Variants in HNF4G observed in about 807,000 individuals in gnomAD.
The protein encoded by HNF4G is hepatocyte nuclear factor 4-gamma.
A neutral mutation model predicts 50.9 loss-of-function variants in HNF4G; 21 were observed. The observed-to-expected ratio is 0.41, with a 90% confidence interval of 0.29 to 0.59. The LOEUF is 0.59. Among genes scored for constraint, HNF4G ranks in the 20% least tolerant of loss-of-function variants. The probability of loss-of-function intolerance (pLI) is 0.26; values close to 1 mark genes in which losing one functional copy is unlikely to be tolerated. For missense variants in HNF4G, 527 were observed against 559.4 expected (o/e 0.94, Z 0.58); for synonymous variants, 198 against 185.6 (o/e 1.07, Z -0.54).
At chr8:75,450,808 A>C (rs1237612917) in intron 1 of HNF4G, among the ~76,000 whole-genome samples, 1 of 152,200 alleles carries the variant, frequency 6.6e-6, no homozygotes, top group Non-Finnish European at 1.5e-5. Context: ...CTCTGTCCTC[A>C]TAACTGAATT....
intron 2 of HNF4G, 117 bp from the exon 3 acceptor site, chr8:75,547,470 A>T: frequency 2.8e-6 from 2 of 721,106 alleles, no homozygotes; most frequent in South Asian, 3.4e-5. Context: ...GATTGTTCCT[A>T]TACCTTCTTT....
At chr8:75,530,261 T>C (rs1806293531) in intron 2 of HNF4G, among the ~76,000 whole-genome samples, 1 of 152,122 alleles carries the variant, frequency 6.6e-6, no homozygotes, top group Admixed American at 6.6e-5. Flanking sequence ...GTTGAAGGCA[T>C]CACAAGCAGA....
At chr8:75,526,678 G>A (rs576385884) in intron 2 of HNF4G, among the ~76,000 whole-genome samples, 1 of 151,516 alleles carries the variant, frequency 6.6e-6, no homozygotes, top group Admixed American at 6.6e-5. Context: ...GGAACTATAA[G>A]CATGCCACCA....
intron 1 of HNF4G, among the ~76,000 whole-genome samples, chr8:75,471,615 A>C (rs191165945): frequency 6.6e-6 from 1 of 152,062 alleles, no homozygotes; most frequent in African/African-American, 2.4e-5. Context: ...CTTCTTATTA[A>C]TTTCCAATTT....
chr8:75,559,100 A>G (rs1387184190), intron 8 of HNF4G, 63 bp downstream of exon 8: 16 of 1,111,082 alleles, frequency 1.4e-5, no homozygotes, highest in Middle Eastern at 2.0e-4. Context: ...AGTTTGACCT[A>G]CTGATTTTTT....
At chr8:75,542,438 G>A (rs1245060049) in intron 1 of HNF4G, among the ~76,000 whole-genome samples, 2 of 150,852 alleles carry the variant, frequency 1.3e-5, no homozygotes, top group Non-Finnish European at 2.9e-5. Context: ...AAACCTGGTA[G>A]CTAGCTCAAA....
At chr8:75,551,286 T>C in intron 3 of HNF4G, 102 bp from the exon 4 acceptor site, 1 of 631,264 alleles carries the variant, frequency 1.6e-6, no homozygotes, top group Non-Finnish European at 2.8e-6. Context: ...TTAGAAAGAC[T>C]TTTTCTCACT....
intron 1 of HNF4G, among the ~76,000 whole-genome samples, chr8:75,542,592 G>A (rs569642092): frequency 6.7e-6 from 1 of 149,462 alleles, no homozygotes; most frequent in South Asian, 2.1e-4. Context: ...TGAATGAAAA[G>A]TGGTACCAGA....
At chr8:75,545,531 G>A (rs945208423) in intron 2 of HNF4G, among the ~76,000 whole-genome samples, 2 of 152,160 alleles carry the variant, frequency 1.3e-5, no homozygotes, top group Admixed American at 6.5e-5. Flanking sequence ...TTTGGAAAAT[G>A]GTTAGTATAT....
At chr8:75,492,293 A>C (rs760502760) in intron 2 of HNF4G, among the ~76,000 whole-genome samples, 1 of 152,134 alleles carries the variant, frequency 6.6e-6, no homozygotes, top group Non-Finnish European at 1.5e-5. Flanking sequence ...AGTATGCATT[A>C]CCCTAAGTAG....
chr8:75,421,002 T>G (rs1429588665), intron 1 of HNF4G, among the ~76,000 whole-genome samples: 1 of 152,234 alleles, frequency 6.6e-6, no homozygotes, highest in Non-Finnish European at 1.5e-5. Flanking sequence ...CAGCCTCATG[T>G]GTACTTTTAG....
chr8:75,558,745 G>C, intron 7 of HNF4G, 56 bp from the exon 8 acceptor site: 2 of 1,574,682 alleles, frequency 1.3e-6, no homozygotes, highest in Non-Finnish European at 1.7e-6. Flanking sequence ...AATATTTATT[G>C]TCTCACACTG....
At chr8:75,444,286 C>A (rs1811366658) in intron 1 of HNF4G, among the ~76,000 whole-genome samples, 1 of 151,658 alleles carries the variant, frequency 6.6e-6, no homozygotes, top group Non-Finnish European at 1.5e-5. Flanking sequence ...AAGCGCTAAA[C>A]ATGGAAAGGA....
chr8:75,468,111 AC>A (rs1344051759), intron 1 of HNF4G, among the ~76,000 whole-genome samples: 1 of 152,098 alleles, frequency 6.6e-6, no homozygotes, highest in Non-Finnish European at 1.5e-5. Context: ...TAAAAAGAAA[AC>A]CATTTTAATA....
chr8:75,550,680 A>G (rs1464261411), intron 3 of HNF4G, among the ~76,000 whole-genome samples: 2 of 139,360 alleles, frequency 1.4e-5, no homozygotes, highest in South Asian at 2.3e-4. Flanking sequence ...TCAGTAAGGG[A>G]TTTGGGGAAT....
intron 1 of HNF4G, among the ~76,000 whole-genome samples, chr8:75,452,563 CA>C (rs1811610593): frequency 6.6e-6 from 1 of 151,878 alleles, no homozygotes; most frequent in Non-Finnish European, 1.5e-5. Flanking sequence ...ACTAAAAATA[CA>C]AAAAATTAGC....
chr8:75,558,170 T>C (rs1388818649), intron 6 of HNF4G, among the ~76,000 whole-genome samples: 3 of 152,220 alleles, frequency 2.0e-5, no homozygotes, highest in Admixed American at 2.0e-4. Context: ...GTTTGTATTG[T>C]AGTCATTAGT....
chr8:75,445,681 A>G (rs1320721381), intron 1 of HNF4G, among the ~76,000 whole-genome samples: 2 of 130,990 alleles, frequency 1.5e-5, no homozygotes, highest in Non-Finnish European at 3.1e-5. Context: ...AAAATCGAGA[A>G]GAAATGGATA....
intron 1 of HNF4G, among the ~76,000 whole-genome samples, chr8:75,425,533 T>G (rs1181441785): frequency 6.7e-6 from 1 of 148,870 alleles, no homozygotes; most frequent in Non-Finnish European, 1.5e-5. Context: ...CCAATCTTAA[T>G]CATACACACA....
Sources: allele counts gnomAD v4.1 joint callset (sites outside exome capture counted in the v4.1 genomes callset), GRCh38; gene constraint gnomAD v4.1.1; transcripts MANE v1.5; gene names NCBI Gene and HGNC (gene_info 2026-07-23, HGNC 2026-07-21).